Variants in C12orf54 observed in about 807,000 individuals in gnomAD.
C12orf54 encodes chromosome 12 open reading frame 54, also known as uncharacterized protein C12orf54.
A neutral mutation model predicts 26.4 loss-of-function variants in C12orf54; 24 were observed. That is an observed-to-expected ratio of 0.91 (90% confidence interval 0.66 to 1.28). C12orf54 has a LOEUF of 1.28. Ranked by LOEUF, C12orf54 falls within the 50% of genes most tolerant of loss-of-function variation. The pLI, the probability that C12orf54 is intolerant of heterozygous loss-of-function variation, is 0.00. For synonymous variants in C12orf54, 54 were observed against 47.0 expected (o/e 1.15, Z -0.61); for missense variants, 154 against 150.9 (o/e 1.02, Z -0.11).
the C12orf54 span, among the ~76,000 whole-genome samples, chr12:48,456,972 AT>A: frequency 6.6e-6 from 1 of 152,110 alleles, no homozygotes; most frequent in Admixed American, 6.5e-5. Flanking sequence ...GATGCTGAAT[AT>A]TTAGATGTGA....
the C12orf54 span, among the ~76,000 whole-genome samples, chr12:48,428,149 A>G: frequency 6.6e-6 from 1 of 152,102 alleles, no homozygotes; most frequent in African/African-American, 2.4e-5. Flanking sequence ...AACCTATCAA[A>G]ACCTCTGGGA....
At chr12:48,459,795 C>A in the C12orf54 span, among the ~76,000 whole-genome samples, 22,080 of 152,104 alleles carry the variant, frequency 0.15, 2,814 homozygotes, top group East Asian at 0.66. Flanking sequence ...CCTTGTCCAG[C>A]AGAATCGCAC....
chr12:48,433,031 G>A, the C12orf54 span, among the ~76,000 whole-genome samples: 160 of 152,174 alleles, frequency 1.1e-3, 3 homozygotes, highest in African/African-American at 3.4e-3. Context: ...ATACCACAAC[G>A]TTCCTATACA....
chr12:48,461,731 C>T, the C12orf54 span, among the ~76,000 whole-genome samples: 2 of 151,594 alleles, frequency 1.3e-5, no homozygotes, highest in South Asian at 4.2e-4. Context: ...GCAGCTAAGT[C>T]CCACAAATTT....
the C12orf54 span, among the ~76,000 whole-genome samples, chr12:48,467,177 T>C: frequency 6.6e-6 from 1 of 151,236 alleles, no homozygotes; most frequent in East Asian, 1.9e-4. Context: ...GAAGAGAAGG[T>C]GATGGGAAGA....
chr12:48,418,695 G>A, the C12orf54 span, among the ~76,000 whole-genome samples: 1 of 152,086 alleles, frequency 6.6e-6, no homozygotes, highest in Non-Finnish European at 1.5e-5. Context: ...TTTGAAGGTG[G>A]TGTATGTAAA....
At chr12:48,467,136 G>A in the C12orf54 span, among the ~76,000 whole-genome samples, 2 of 152,088 alleles carry the variant, frequency 1.3e-5, no homozygotes, top group African/African-American at 4.8e-5. Context: ...AATGACAAGA[G>A]TCTTTAGAAG....
chr12:48,466,331 G>T, the C12orf54 span, among the ~76,000 whole-genome samples: 4 of 152,122 alleles, frequency 2.6e-5, no homozygotes, highest in Admixed American at 2.6e-4. Flanking sequence ...ATCACCTGAG[G>T]TCTGGAGTTC....
the C12orf54 span, among the ~76,000 whole-genome samples, chr12:48,441,483 G>T: frequency 6.6e-6 from 1 of 152,002 alleles, no homozygotes; most frequent in African/African-American, 2.4e-5. Context: ...AATCCTAAGA[G>T]AGTAAATGAT....
chr12:48,434,858 C>T, the C12orf54 span, among the ~76,000 whole-genome samples: 6 of 152,164 alleles, frequency 3.9e-5, no homozygotes, highest in Admixed American at 2.0e-4. Flanking sequence ...GAGCACCTCT[C>T]CCCCTCCAAA....
chr12:48,436,330 G>A, the C12orf54 span, among the ~76,000 whole-genome samples: 359 of 152,238 alleles, frequency 2.4e-3, 3 homozygotes, highest in Non-Finnish European at 4.1e-3. Flanking sequence ...ACACCCCACT[G>A]TCAACATTAG....
the C12orf54 span, chr12:48,473,234 G>A: frequency 8.7e-7 from 1 of 1,152,334 alleles, no homozygotes; most frequent in Non-Finnish European, 1.3e-6. Flanking sequence ...AAGATGAGGA[G>A]GACGAGGATG....
intron 6 of C12orf54, 116 bp from the exon 7 acceptor site, chr12:48,492,831 T>G: frequency 1.1e-6 from 1 of 892,882 alleles, no homozygotes; most frequent in Non-Finnish European, 1.8e-6. Flanking sequence ...CAGTGTCCCT[T>G]CAAGTCTGGA....
At chr12:48,495,041 C>A in intron 8 of C12orf54, 62 bp downstream of exon 8, 2 of 1,318,332 alleles carry the variant, frequency 1.5e-6, no homozygotes, top group Middle Eastern at 2.1e-4. Flanking sequence ...TAGTCAGGAA[C>A]CCAGGCCTCT....
chr12:48,444,732 A>G, the C12orf54 span, among the ~76,000 whole-genome samples: 1 of 152,144 alleles, frequency 6.6e-6, no homozygotes, highest in Non-Finnish European at 1.5e-5. Context: ...TGCTACCACT[A>G]TGGTTATTGA....
At chr12:48,478,509 A>C (rs989899223), upstream of C12orf54, among the ~76,000 whole-genome samples, 1 of 152,196 alleles carries the variant, frequency 6.6e-6, no homozygotes, top group Non-Finnish European at 1.5e-5. Flanking sequence ...CCATCATCTC[A>C]GCCCAAAATC....
the C12orf54 span, among the ~76,000 whole-genome samples, chr12:48,446,670 G>C: frequency 2.0e-5 from 3 of 151,936 alleles, no homozygotes; most frequent in Non-Finnish European, 2.9e-5. Flanking sequence ...GTGACTCACG[G>C]CTTATTTTTA....
Position 48,494,895 on chromosome 12 carries a change from A to C in C12orf54, c.340A>C (p.Lys114Gln). The C allele has an allele frequency of 6.2e-7, 1 of 1,613,110 alleles. No individual in the cohort carries two copies. The highest frequency in any genetic ancestry group is 1.1e-5 in the South Asian group (1 of 91,068). Residue 114 changes from lysine to glutamine, a missense_variant, in exon 8 of 9, where the codon AAG becomes CAG. Lys to Gln is a moderately conservative substitution (Grantham distance 53). Coordinates refer to ENST00000548364, the MANE Select transcript of C12orf54 (RefSeq NM_152319.4). ...QPSGGRIHNL[K>Q]TQLFSQSAYY... ...ATCAGGAGGCCGTATCCACAACCTG[A>C]AGACACAGCTCTTCAGTCAATCAGC...
the C12orf54 span, among the ~76,000 whole-genome samples, chr12:48,446,832 G>A: frequency 1.2e-4 from 18 of 152,056 alleles, no homozygotes; most frequent in East Asian, 1.9e-4. Context: ...ACTTTTCTGC[G>A]TCTAGAACTG....
Sources: gnomAD v4.1 joint callset for allele counts (sites outside exome capture counted in the v4.1 genomes callset) on GRCh38, gnomAD v4.1.1 for gene constraint, MANE v1.5 for transcripts, NCBI Gene and HGNC (gene_info 2026-07-23, HGNC 2026-07-21) for gene names.